RALYL: variants seen among roughly 807,000 people sequenced by gnomAD.
RALYL encodes RNA-binding Raly-like protein.
A neutral mutation model predicts 35.1 loss-of-function variants in RALYL; 29 were observed. The observed-to-expected ratio is 0.83, with a 90% CI of 0.61 to 1.13. The LOEUF is 1.13. RALYL is among the 50% of genes most tolerant of loss of function. The pLI is 0.00. For missense variants in RALYL, 359 were observed against 360.4 expected (o/e 1.00, Z 0.03); for synonymous variants, 120 against 127.6 (o/e 0.94, Z 0.40).
At chr8:84,306,929 A>G (rs1841929463) in intron 1 of RALYL, among the ~76,000 whole-genome samples, 2 of 152,292 alleles carry the variant, frequency 1.3e-5, no homozygotes, top group African/African-American at 4.8e-5. Flanking sequence ...TAGCATGTGC[A>G]TTATATGGCA....
At chr8:84,863,587 A>T (rs191890769) in intron 6 of RALYL, among the ~76,000 whole-genome samples, 1 of 152,334 alleles carries the variant, frequency 6.6e-6, no homozygotes, top group East Asian at 1.9e-4. Context: ...TAATAGACAT[A>T]GTAGAGTCTC....
At chr8:84,445,876 A>G (rs2048797142) in intron 1 of RALYL, among the ~76,000 whole-genome samples, 1 of 151,412 alleles carries the variant, frequency 6.6e-6, no homozygotes, top group African/African-American at 2.4e-5. Context: ...ATAATGTAAT[A>G]GTATTCTTTT....
intron 1 of RALYL, among the ~76,000 whole-genome samples, chr8:84,415,072 A>G (rs16912802): frequency 0.03 from 4,507 of 152,006 alleles, 217 homozygotes; most frequent in African/African-American, 0.1. Context: ...TATAGAAAGG[A>G]CATAAGGGTT....
At chr8:84,316,645 T>A (rs888055248) in intron 1 of RALYL, among the ~76,000 whole-genome samples, 1 of 152,164 alleles carries the variant, frequency 6.6e-6, no homozygotes, top group African/African-American at 2.4e-5. Context: ...TAAAGCATGT[T>A]CAAATGTTTG....
chr8:84,913,016 A>C (rs1046240739), intron 8 of RALYL, among the ~76,000 whole-genome samples: 1 of 129,558 alleles, frequency 7.7e-6, no homozygotes, highest in Non-Finnish European at 1.6e-5. Context: ...GGATGGATGG[A>C]TGGATGGATG....
intron 3 of RALYL, among the ~76,000 whole-genome samples, chr8:84,795,301 T>C (rs1821663432): frequency 6.6e-6 from 1 of 152,252 alleles, no homozygotes; most frequent in African/African-American, 2.4e-5. Flanking sequence ...TAAGACTCAA[T>C]GTCTTAATCA....
chr8:84,336,233 G>A (rs1847778974), intron 1 of RALYL, among the ~76,000 whole-genome samples: 1 of 152,076 alleles, frequency 6.6e-6, no homozygotes, highest in Admixed American at 6.6e-5. Context: ...TGAATTGATT[G>A]TTTTTCACTT....
At chr8:84,742,422 G>T (rs1807591351) in intron 2 of RALYL, among the ~76,000 whole-genome samples, 2 of 151,860 alleles carry the variant, frequency 1.3e-5, no homozygotes, top group African/African-American at 2.4e-5. Context: ...GTAAATATCT[G>T]TATAATCATG....
At chr8:84,895,328 C>T (rs561252110) in intron 8 of RALYL, among the ~76,000 whole-genome samples, 10 of 148,744 alleles carry the variant, frequency 6.7e-5, no homozygotes, top group Non-Finnish European at 1.3e-4. Flanking sequence ...AGGTGACCTA[C>T]TGCACTATGA....
intron 5 of RALYL, among the ~76,000 whole-genome samples, chr8:84,858,010 AATT>A (rs1157554305): frequency 6.6e-6 from 1 of 152,114 alleles, no homozygotes; most frequent in East Asian, 1.9e-4. Flanking sequence ...GTCCAAAAAC[AATT>A]ATTGTTTAAG....
intron 8 of RALYL, among the ~76,000 whole-genome samples, chr8:84,901,883 G>A (rs1161600289): frequency 6.6e-6 from 1 of 152,110 alleles, no homozygotes; most frequent in Non-Finnish European, 1.5e-5. Flanking sequence ...GGAATTTGGA[G>A]GATCTATGTC....
intron 1 of RALYL, among the ~76,000 whole-genome samples, chr8:84,358,179 G>GT (rs1852242833): frequency 6.6e-6 from 1 of 151,684 alleles, no homozygotes; most frequent in Non-Finnish European, 1.5e-5. Context: ...TTTATTCATT[G>GT]TTTTTTTCAT....
intron 1 of RALYL, among the ~76,000 whole-genome samples, chr8:84,350,859 G>A (rs929351692): frequency 2.0e-5 from 3 of 149,990 alleles, no homozygotes; most frequent in Admixed American, 1.3e-4. Context: ...TCTATGCTCC[G>A]AAGAGCTTTG....
Position 84,835,096 on chromosome 8 carries a change from C to T in RALYL, c.366-14884C>T, listed in dbSNP as rs75462927. On this transcript the variant is annotated intron_variant, in intron 4 of 8. Coordinates refer to ENST00000521268, the MANE Select transcript of RALYL (RefSeq NM_173848.7). ...ATCCTGGAATATTTTACCCTGAAAA[C>T]TTCAGTGTCAAGAAATTCTGATAAA... is the stretch of plus-strand genomic sequence containing the variant. Among the ~76,000 whole-genome samples the T allele has an allele frequency of 9.2e-3, 1,393 of 152,172 alleles. 13 individuals carry two copies. The highest frequency in any genetic ancestry group is 0.032 in the African/African-American group (1,329 of 41,514).
In RALYL at chr8:84,422,095, A is replaced by G. The variant is rs1468929437; in HGVS notation, c.-23-107204A>G. Among the ~76,000 whole-genome samples the G allele has an allele frequency of 3.3e-5, 5 of 149,912 alleles. No individual in the cohort carries two copies. In the South Asian group the frequency reaches 6.4e-4, roughly 19 times the overall value. Reference sequence around the variant, plus strand: ...GTTAGGGAGGATTCCCTCTTTTTCTATTGATTGGAATAGTTTCAGAAGGAA... The same window carrying G: ...GTTAGGGAGGATTCCCTCTTTTTCTGTTGATTGGAATAGTTTCAGAAGGAA... On this transcript the variant is annotated intron_variant, in intron 1 of 8. Transcript: ENST00000521268.
At chr8:84,257,114 G>T (rs1831353100) in intron 1 of RALYL, among the ~76,000 whole-genome samples, 1 of 151,482 alleles carries the variant, frequency 6.6e-6, no homozygotes, top group Non-Finnish European at 1.5e-5. Context: ...TTATTATTTT[G>T]GATATTTATT....
intron 2 of RALYL, among the ~76,000 whole-genome samples, chr8:84,651,714 AAAACTT>A (rs1588765908): frequency 6.6e-6 from 1 of 152,070 alleles, no homozygotes; most frequent in East Asian, 1.9e-4. Flanking sequence ...TTATATGAAA[AAAACTT>A]AAGAGAAATA....
intron 2 of RALYL, among the ~76,000 whole-genome samples, chr8:84,727,273 T>G (rs1280870582): frequency 6.6e-6 from 1 of 152,034 alleles, no homozygotes; most frequent in Non-Finnish European, 1.5e-5. Flanking sequence ...TCTGAATTCA[T>G]CATCTTAGCT....
chr8:84,823,015 C>T (rs1344572607), intron 4 of RALYL, among the ~76,000 whole-genome samples: 1 of 152,052 alleles, frequency 6.6e-6, no homozygotes, highest in Non-Finnish European at 1.5e-5. Flanking sequence ...ATAGTGGATT[C>T]AGTAAAGCAG....
Sources: gnomAD v4.1 joint callset for allele counts (sites outside exome capture counted in the v4.1 genomes callset) on GRCh38, gnomAD v4.1.1 for gene constraint, MANE v1.5 for transcripts, NCBI Gene and HGNC (gene_info 2026-07-23, HGNC 2026-07-21) for gene names.